Variants in CLYBL observed in about 807,000 individuals in gnomAD.
CLYBL encodes citramalyl-CoA lyase, mitochondrial.
A neutral mutation model predicts 38.9 loss-of-function variants in CLYBL; 31 were observed. The observed-to-expected ratio is 0.80, with a 90% CI of 0.60 to 1.08. The LOEUF (loss-of-function observed/expected upper bound fraction) is 1.08. CLYBL is among the 50% of genes least tolerant of loss of function. The pLI, the probability that CLYBL is intolerant of heterozygous loss-of-function variation, is 0.00. For missense variants in CLYBL, 434 were observed against 411.6 expected, an observed-to-expected ratio of 1.05 and a Z score of -0.47; for synonymous variants, 171 against 158.6, an observed-to-expected ratio of 1.08 and a Z score of -0.59.
At chr13:99,775,083 T>C (rs1164811832) in intron 2 of CLYBL, among the ~76,000 whole-genome samples, 1 of 152,202 alleles carries the variant, frequency 6.6e-6, no homozygotes, top group African/African-American at 2.4e-5. Flanking sequence ...AGGAAATAGA[T>C]AAATCCTGTA....
intron 1 of CLYBL, among the ~76,000 whole-genome samples, chr13:99,674,384 T>C (rs2047613412): frequency 6.6e-6 from 1 of 151,958 alleles, no homozygotes; most frequent in African/African-American, 2.4e-5. Context: ...ACTCCTGACC[T>C]CGTGATCTGC....
At chr13:99,654,929 C>T (rs902089837) in intron 1 of CLYBL, among the ~76,000 whole-genome samples, 8 of 151,804 alleles carry the variant, frequency 5.3e-5, no homozygotes, top group East Asian at 2.0e-4. Context: ...TGCTTGAACC[C>T]GGGAGGCAGA....
intron 3 of CLYBL, among the ~76,000 whole-genome samples, chr13:99,861,251 G>A (rs1424388664): frequency 2.0e-5 from 3 of 152,216 alleles, no homozygotes; most frequent in South Asian, 2.1e-4. Flanking sequence ...AGGAGGAGGA[G>A]GATGGGCTAG....
intron 2 of CLYBL, among the ~76,000 whole-genome samples, chr13:99,780,876 G>A (rs1027381601): frequency 7.9e-5 from 12 of 151,140 alleles, no homozygotes; most frequent in Non-Finnish European, 1.5e-4. Context: ...ACCACACCTG[G>A]CTCATTTTTG....
At chr13:99,755,881 G>A (rs770571776) in intron 1 of CLYBL, among the ~76,000 whole-genome samples, 1 of 152,160 alleles carries the variant, frequency 6.6e-6, no homozygotes, top group African/African-American at 2.4e-5. Flanking sequence ...CCACCGAACC[G>A]CTGTCAGCAT....
intron 1 of CLYBL, among the ~76,000 whole-genome samples, chr13:99,627,753 A>T (rs1403877297): frequency 1.3e-5 from 2 of 152,218 alleles, no homozygotes; most frequent in African/African-American, 4.8e-5. Flanking sequence ...TGAAAATTGA[A>T]AAATTAGTTT....
chr13:99,860,200 AAACT>A (rs1354832168), intron 3 of CLYBL, among the ~76,000 whole-genome samples: 3 of 152,234 alleles, frequency 2.0e-5, no homozygotes, highest in African/African-American at 7.2e-5. Context: ...AAGAGAATGT[AAACT>A]ATCTCGATAA....
At chr13:99,778,989 C>A (rs2049581200) in intron 2 of CLYBL, among the ~76,000 whole-genome samples, 1 of 152,150 alleles carries the variant, frequency 6.6e-6, no homozygotes. Context: ...GTTGCCATGG[C>A]AGGCAGGAGG....
intron 2 of CLYBL, among the ~76,000 whole-genome samples, chr13:99,827,777 G>A (rs186378918): frequency 1.3e-5 from 2 of 152,334 alleles, no homozygotes; most frequent in African/African-American, 2.4e-5. Context: ...TGTCCCGACA[G>A]GCGCCATCGT....
intron 1 of CLYBL, among the ~76,000 whole-genome samples, chr13:99,695,973 G>C (rs1158181137): frequency 1.3e-5 from 2 of 152,112 alleles, no homozygotes; most frequent in Non-Finnish European, 2.9e-5. Context: ...CATATTTGGG[G>C]ATATCGTGTT....
chr13:99,811,351 G>A (rs1594197311), intron 2 of CLYBL, among the ~76,000 whole-genome samples: 1 of 152,220 alleles, frequency 6.6e-6, no homozygotes, highest in Non-Finnish European at 1.5e-5. Context: ...ACCTGGGAAG[G>A]GAGGCCTCAG....
At chr13:99,825,407 C>G (rs2050675791) in intron 2 of CLYBL, among the ~76,000 whole-genome samples, 1 of 152,118 alleles carries the variant, frequency 6.6e-6, no homozygotes, top group Non-Finnish European at 1.5e-5. Flanking sequence ...TGAGAAGGTG[C>G]CCTGTAAATG....
At chr13:99,777,179 C>G (rs2049535780) in intron 2 of CLYBL, among the ~76,000 whole-genome samples, 1 of 151,734 alleles carries the variant, frequency 6.6e-6, no homozygotes, top group Admixed American at 6.6e-5. Context: ...AGCCCCCACG[C>G]CCAACCCAGT....
At chr13:99,890,783 A>G (rs2052469907) in intron 7 of CLYBL, among the ~76,000 whole-genome samples, 1 of 152,026 alleles carries the variant, frequency 6.6e-6, no homozygotes, top group Non-Finnish European at 1.5e-5. Flanking sequence ...TGGTCACTCT[A>G]ATCGTCTTCT....
chr13:99,781,055 T>C (rs1321159189), intron 2 of CLYBL, among the ~76,000 whole-genome samples: 1 of 151,864 alleles, frequency 6.6e-6, no homozygotes, highest in Non-Finnish European at 1.5e-5. Context: ...AGTTTCACTT[T>C]AATTACACCA....
In CLYBL at chr13:99,612,636, C is replaced by CT. The variant is rs1261561176; in HGVS notation, c.62+5879_62+5880insT. On this transcript the variant is annotated intron_variant, in intron 1 of 8. Coordinates refer to ENST00000339105, the MANE Select transcript of CLYBL (RefSeq NM_206808.5). ...CTCCTGGATTCAAGCAGTCTACCCA[C>CT]CTTGGCCTCCGAAAGTGCTGGGATT... Among the ~76,000 whole-genome samples the CT allele has an allele frequency of 6.6e-5, 10 of 152,186 alleles. 1 individual carries two copies. The highest frequency in any genetic ancestry group is 3.3e-4 in the Admixed American group (5 of 15,284).
intron 1 of CLYBL, among the ~76,000 whole-genome samples, chr13:99,618,553 A>G (rs906675686): frequency 3.3e-5 from 5 of 152,228 alleles, no homozygotes; most frequent in Admixed American, 6.5e-5. Context: ...TACAGGCGTG[A>G]GCCACCATGG....
chr13:99,735,402 C>T (rs1452363201), intron 1 of CLYBL, among the ~76,000 whole-genome samples: 1 of 152,076 alleles, frequency 6.6e-6, no homozygotes, highest in African/African-American at 2.4e-5. Flanking sequence ...TGCTATATTA[C>T]CCAGGCTGGT....
intron 1 of CLYBL, among the ~76,000 whole-genome samples, chr13:99,661,294 T>C (rs118181416): frequency 0.016 from 2,506 of 152,208 alleles, 25 homozygotes; most frequent in Non-Finnish European, 0.025. Flanking sequence ...CCTTAAACCA[T>C]GAATTAGAAC....
Sources: gnomAD v4.1 joint callset for allele counts (sites outside exome capture counted in the v4.1 genomes callset) on GRCh38, gnomAD v4.1.1 for gene constraint, MANE v1.5 for transcripts, NCBI Gene and HGNC (gene_info 2026-07-23, HGNC 2026-07-21) for gene names.